Variants in DNAAF1 observed in about 807,000 individuals in gnomAD.
The protein encoded by DNAAF1 is dynein assembly factor 1, axonemal.
A neutral mutation model predicts 71.1 loss-of-function variants in DNAAF1; 65 were observed. That is an observed-to-expected ratio of 0.91 (90% CI 0.75 to 1.12). The LOEUF (loss-of-function observed/expected upper bound fraction) is 1.12. DNAAF1 is among the 50% of genes most tolerant of loss of function. DNAAF1 has a pLI of 0.00. For missense variants in DNAAF1, 1,178 were observed against 899.8 expected, an observed-to-expected ratio of 1.31 and a Z score of -3.96; for synonymous variants, 414 against 354.6, an observed-to-expected ratio of 1.17 and a Z score of -1.88.
Position 84,172,301 on chromosome 16 carries a change from A to G in DNAAF1, c.1570A>G (p.Thr524Ala). ...TGTGGCCACTGAGGGTGTATTCGTT[A>G]CAGAACTTGATGGAACGAGAACGGA... ...QAVATEGVFVTELDGTRTEDL... is the reference protein window; with the variant it reads ...QAVATEGVFVAELDGTRTEDL... Residue 524 changes from threonine (T) to alanine (A), a missense_variant, in exon 9 of 12, where the codon ACA (threonine) becomes GCA (alanine). Physicochemically the swap from Thr to Ala is moderately conservative, Grantham distance 58. Transcript: ENST00000378553. 1 of 1,614,236 alleles carries G rather than the reference A, an allele frequency of 6.2e-7. No individual in the cohort carries two copies. The highest frequency in any genetic ancestry group is 2.2e-5 in the East Asian group (1 of 44,880).
In DNAAF1 at chr16:84,177,744, C is replaced by T. The variant is rs148575558; in HGVS notation, c.2081C>T (p.Ala694Val). ...AASSPVPTES[A>V]ATPPETCVGV... The stretch of plus-strand genomic sequence containing the variant: ...CCTTCCACAGTGCCGACTGAGAGCG[C>T]CGCCACACCCCCAGAGACGTGTGTC... Residue 694 changes from alanine to valine, a missense_variant, in exon 12 of 12, where the codon GCC becomes GTC. Coordinates refer to ENST00000378553, the MANE Select transcript of DNAAF1 (RefSeq NM_178452.6). 6 of 1,613,792 alleles carry T rather than the reference C, an allele frequency of 3.7e-6. No homozygotes were observed. In the African/African-American group the frequency reaches 4.0e-5, roughly 11 times the overall value.
At chr16:84,159,358 A>G (rs988526310) in intron 5 of DNAAF1, 5 of 729,090 alleles carry the variant, frequency 6.9e-6, no homozygotes, top group East Asian at 7.2e-5. Flanking sequence ...GAGGTTGGGT[A>G]GCAAAACTAA....
At chr16:84,155,080 T>C (rs1277334015) in intron 4 of DNAAF1, among the ~76,000 whole-genome samples, 1 of 152,164 alleles carries the variant, frequency 6.6e-6, no homozygotes, top group African/African-American at 2.4e-5. Context: ...GGCTAATTTT[T>C]TGTATTTTTA....
chr16:84,154,429 ACCATC>A, intron 3 of DNAAF1, 143 bp from the exon 4 acceptor site: 1 of 747,338 alleles, frequency 1.3e-6, no homozygotes, highest in South Asian at 1.5e-5. Flanking sequence ...ACCTCCTAAT[ACCATC>A]ACATTAGGGG....
chr16:84,167,590 C>G (rs1445931074), intron 7 of DNAAF1, among the ~76,000 whole-genome samples: 1 of 152,154 alleles, frequency 6.6e-6, no homozygotes, highest in Non-Finnish European at 1.5e-5. Flanking sequence ...GGGTTGAAGA[C>G]CAAATATTAG....
intron 3 of DNAAF1, among the ~76,000 whole-genome samples, chr16:84,152,647 CAAAAAA>C: frequency 2.9e-5 from 2 of 68,186 alleles, no homozygotes; most frequent in East Asian, 8.5e-4. Flanking sequence ...GATTCTGTCT[CAAAAAA>C]AAAAAAAAAA....
rs757769873 is a variant in DNAAF1 at position 84,154,818 on chromosome 16, AGT to A, written c.574+25_574+26del. Reference sequence around the variant, plus strand: ...ACCTCTGTAAGGGTACCCAGCAAGCAGTGTGTCTGTTTGCCATATGTCCATCA... The same window carrying A: ...ACCTCTGTAAGGGTACCCAGCAAGCAGTGTCTGTTTGCCATATGTCCATCA... On this transcript the variant is annotated intron_variant, in intron 4 of 11. Transcript: ENST00000378553. 1.5e-5 allele frequency: 24 copies of A among 1,591,722 alleles called. No individual in the cohort carries two copies. The South Asian group carries it at 2.5e-4, about 17-fold the overall frequency.
Position 84,177,806 on chromosome 16 carries a change from G to C in DNAAF1, c.2143G>C (p.Asp715His). Residue 715 changes from aspartate (D) to histidine (H), a missense_variant, in exon 12 of 12, where the codon GAC becomes CAC. Physicochemically the swap from Asp to His is moderately conservative, Grantham distance 81. Transcript: ENST00000378553. ...GCCCAGCCAAGCTCTGCCCACGTGG[G>C]ACCTCACTGCATTCCCAGCACCGAA... Reference protein sequence around the residue: ...AQPSQALPTWDLTAFPAPKAS With the variant: ...AQPSQALPTWHLTAFPAPKAS 6.2e-7 allele frequency: 1 copy of C among 1,614,018 alleles called. No individual in the cohort carries two copies. Among genetic ancestry groups the C allele is most frequent in the Non-Finnish European group, 8.5e-7 (1 of 1,179,982 alleles).
intron 1 of DNAAF1, 116 bp from the exon 2 acceptor site, chr16:84,148,891 C>G: frequency 8.1e-7 from 1 of 1,238,618 alleles, no homozygotes; most frequent in Non-Finnish European, 1.2e-6. Flanking sequence ...TACCCAGCCA[C>G]TAAAGAATAC....
At chr16:84,160,657 G>A (rs995967662) in intron 6 of DNAAF1, among the ~76,000 whole-genome samples, 6 of 152,152 alleles carry the variant, frequency 3.9e-5, no homozygotes, top group South Asian at 2.1e-4. Flanking sequence ...AACCAGGGCC[G>A]GGCGTGGTGG....
chr16:84,146,273 C>T (rs1197321693), intron 1 of DNAAF1, among the ~76,000 whole-genome samples: 2 of 152,194 alleles, frequency 1.3e-5, no homozygotes, highest in African/African-American at 4.8e-5. Flanking sequence ...TTCTCTCCCT[C>T]CAGACTGCAT....
intron 5 of DNAAF1, among the ~76,000 whole-genome samples, chr16:84,156,398 G>A (rs1176466242): frequency 1.3e-5 from 2 of 152,194 alleles, no homozygotes; most frequent in Non-Finnish European, 2.9e-5. Context: ...AATGATATCG[G>A]AGCCAGAGGC....
At chr16:84,145,683 G>A (rs2086865680) in intron 1 of DNAAF1, 119 bp downstream of exon 1, 4 of 1,297,552 alleles carry the variant, frequency 3.1e-6, no homozygotes, top group Non-Finnish European at 4.2e-6. Flanking sequence ...TAATAATAAT[G>A]GTAGCAAGCA....
rs112770727 is a variant in DNAAF1 at position 84,170,434 on chromosome 16, A to G, written c.1528+78A>G. On this transcript the variant is annotated intron_variant, in intron 8 of 11. Transcript: ENST00000378553. ...AGCCTTCGACTCACGTCTCTGTGGG[A>G]CCTGGGGCCTGAGTTTCACTTCTTC... is the stretch of plus-strand genomic sequence containing the variant. 1.8e-5 allele frequency: 29 copies of G among 1,603,158 alleles called. No individual in the cohort carries two copies. In the African/African-American group the frequency reaches 2.1e-4, roughly 12 times the overall value.
At chr16:84,157,633 T>C (rs2087501972) in intron 5 of DNAAF1, among the ~76,000 whole-genome samples, 1 of 152,178 alleles carries the variant, frequency 6.6e-6, no homozygotes, top group Admixed American at 6.5e-5. Context: ...AGTGTCTATG[T>C]GTTGTCGTGT....
intron 11 of DNAAF1, chr16:84,176,554 T>G: frequency 1.7e-6 from 1 of 589,274 alleles, no homozygotes; most frequent in Non-Finnish European, 3.0e-6. Flanking sequence ...TGACTGTGTG[T>G]GGGGGTCACA....
intron 3 of DNAAF1, among the ~76,000 whole-genome samples, chr16:84,152,792 A>G (rs2087246109): frequency 6.6e-6 from 1 of 152,084 alleles, no homozygotes; most frequent in Admixed American, 6.6e-5. Context: ...CATCTCTACT[A>G]AAAATACAAA....
intron 7 of DNAAF1, 91 bp downstream of exon 7, chr16:84,166,040 T>A: frequency 1.2e-5 from 3 of 257,742 alleles, no homozygotes; most frequent in Non-Finnish European, 1.6e-5. Flanking sequence ...CTTGGGAATT[T>A]TTTTTTTTTT....
At position 84,149,388 on chromosome 16, in the gene DNAAF1, A is replaced by T. The variant is rs62048436; in HGVS notation, c.260+246A>T. 1.1e-3 allele frequency among the ~76,000 whole-genome samples: 163 copies of T among 152,286 alleles called. No individual in the cohort carries two copies. In the Middle Eastern group the frequency reaches 0.017, roughly 16 times the overall value. On this transcript the variant is annotated intron_variant, in intron 2 of 11. Transcript: ENST00000378553. ...TGACACCATTTAAAGTATTTTTATT[A>T]GAACATACAATGCAATTTTTAGGCC...
Sources: allele counts gnomAD v4.1 joint callset (sites outside exome capture counted in the v4.1 genomes callset), GRCh38; gene constraint gnomAD v4.1.1; transcripts MANE v1.5; gene names NCBI Gene and HGNC (gene_info 2026-07-23, HGNC 2026-07-21).